The following NAALADL2 variants were observed in gnomAD, a reference collection of about 807,000 sequenced individuals.
NAALADL2 encodes inactive N-acetylated-alpha-linked acidic dipeptidase-like protein 2.
Under a neutral mutation model 87.2 loss-of-function variants are expected in NAALADL2, and 76 were observed. That is an observed-to-expected ratio of 0.87 (90% CI 0.72 to 1.05). The LOEUF is 1.05. Ranked by LOEUF, NAALADL2 falls within the 50% of genes least tolerant of loss-of-function variation. The pLI, the probability that NAALADL2 is intolerant of heterozygous loss-of-function variation, is 0.00. For synonymous variants in NAALADL2, 354 were observed against 331.0 expected (o/e 1.07, Z -0.75); for missense variants, 1,089 against 945.8 (o/e 1.15, Z -1.99).
At chr3:174,958,035 C>T (rs549171856) in intron 1 of NAALADL2, among the ~76,000 whole-genome samples, 12 of 152,004 alleles carry the variant, frequency 7.9e-5, no homozygotes, top group Non-Finnish European at 1.3e-4. Context: ...TCCTATGCAT[C>T]GCCTCTTCCA....
At chr3:174,811,589 T>C (rs1720217788) in intron 3 of NAALADL2, among the ~76,000 whole-genome samples, 1 of 152,170 alleles carries the variant, frequency 6.6e-6, no homozygotes, top group African/African-American at 2.4e-5. Flanking sequence ...TAGGAGTAAC[T>C]AAATTGTTTT....
At chr3:174,755,216 C>T (rs1174069742) in intron 3 of NAALADL2, among the ~76,000 whole-genome samples, 4 of 152,156 alleles carry the variant, frequency 2.6e-5, no homozygotes, top group African/African-American at 4.8e-5. Context: ...AAGTGCCTGG[C>T]TTCCCCTTCA....
rs187864613 is a variant in NAALADL2, at chr3:174,891,267, C to T, written c.43+31817C>T. Among the ~76,000 whole-genome samples the T allele has an allele frequency of 1.4e-4, 22 of 152,052 alleles. No homozygotes were observed. The East Asian group carries it at 3.3e-3, about 23-fold the overall frequency. On this transcript the variant is annotated intron_variant, in intron 1 of 13. Coordinates refer to ENST00000454872, the MANE Select transcript of NAALADL2 (RefSeq NM_207015.3). ...CTCTAAGGTGGCAAAACAGAAAGCT[C>T]CACCAATCATCATCCCTTACCCACA...
chr3:175,482,945 C>T (rs977590242), intron 9 of NAALADL2, among the ~76,000 whole-genome samples: 3 of 152,002 alleles, frequency 2.0e-5, no homozygotes, highest in East Asian at 1.9e-4. Context: ...ATTCCAACAA[C>T]GTCTTTTGGA....
intron 2 of NAALADL2, among the ~76,000 whole-genome samples, chr3:174,595,979 T>C (rs543339849): frequency 1.3e-5 from 2 of 152,114 alleles, no homozygotes; most frequent in East Asian, 1.9e-4. Flanking sequence ...GCCATTGCAC[T>C]CCAGCCTGGG....
At chr3:174,962,607 G>T (rs1427280324) in intron 1 of NAALADL2, among the ~76,000 whole-genome samples, 1 of 151,712 alleles carries the variant, frequency 6.6e-6, no homozygotes, top group East Asian at 1.9e-4. Context: ...GGATGCATTA[G>T]CTGAGAAGAA....
intron 2 of NAALADL2, among the ~76,000 whole-genome samples, chr3:175,155,607 T>C (rs1164968580): frequency 1.3e-5 from 2 of 152,150 alleles, no homozygotes; most frequent in African/African-American, 4.8e-5. Context: ...TCTATTTGCT[T>C]TATGCTATGT....
intron 1 of NAALADL2, among the ~76,000 whole-genome samples, chr3:174,991,248 T>C (rs922371781): frequency 6.6e-6 from 1 of 152,110 alleles, no homozygotes; most frequent in Non-Finnish European, 1.5e-5. Flanking sequence ...TGTAGAACAG[T>C]AAATACAAGA....
At chr3:174,804,736 T>G (rs1242702283) in intron 3 of NAALADL2, among the ~76,000 whole-genome samples, 1 of 152,186 alleles carries the variant, frequency 6.6e-6, no homozygotes, top group Non-Finnish European at 1.5e-5. Flanking sequence ...ACATTTTGAA[T>G]AAATCTAAAA....
At chr3:175,280,978 C>T (rs1219460882) in intron 4 of NAALADL2, among the ~76,000 whole-genome samples, 1 of 151,898 alleles carries the variant, frequency 6.6e-6, no homozygotes, top group Non-Finnish European at 1.5e-5. Context: ...TGGGCCCACA[C>T]CAACCCTCTT....
chr3:175,647,848 C>T (rs1432713355), intron 11 of NAALADL2, among the ~76,000 whole-genome samples: 2 of 152,140 alleles, frequency 1.3e-5, no homozygotes, highest in Non-Finnish European at 2.9e-5. Flanking sequence ...AGTCTCTAGC[C>T]AGCCACTCTC....
intron 11 of NAALADL2, among the ~76,000 whole-genome samples, chr3:175,670,050 C>T (rs548725030): frequency 3.3e-5 from 5 of 151,956 alleles, no homozygotes; most frequent in Non-Finnish European, 7.4e-5. Context: ...GAACTATTCA[C>T]TTTACATCAA....
intron 10 of NAALADL2, among the ~76,000 whole-genome samples, chr3:175,576,945 T>A (rs1718994435): frequency 6.6e-6 from 1 of 152,224 alleles, no homozygotes; most frequent in Non-Finnish European, 1.5e-5. Context: ...CAAATATAAA[T>A]GTTCCTCAGA....
chr3:174,477,731 C>T (rs1447953664), intron 1 of NAALADL2, among the ~76,000 whole-genome samples: 1 of 152,142 alleles, frequency 6.6e-6, no homozygotes, highest in African/African-American at 2.4e-5. Context: ...AAAAATTACC[C>T]ACACATAGAT....
intron 1 of NAALADL2, among the ~76,000 whole-genome samples, chr3:174,496,183 C>G (rs2108359519): frequency 6.6e-6 from 1 of 152,250 alleles, no homozygotes; most frequent in East Asian, 1.9e-4. Flanking sequence ...TTTCCCAGCT[C>G]AGTCTGTGCA....
chr3:175,514,024 C>G (rs142336967), intron 9 of NAALADL2, among the ~76,000 whole-genome samples: 24 of 152,304 alleles, frequency 1.6e-4, no homozygotes, highest in African/African-American at 5.8e-4. Flanking sequence ...AGCTTGCTTT[C>G]TCTTCCAAAC....
chr3:175,294,984 A>T (rs1018234827), intron 4 of NAALADL2, among the ~76,000 whole-genome samples: 1 of 152,142 alleles, frequency 6.6e-6, no homozygotes, highest in Admixed American at 6.6e-5. Context: ...TAGTTCCTCT[A>T]TGCTTCTGTT....
intron 1 of NAALADL2, among the ~76,000 whole-genome samples, chr3:174,961,862 A>G (rs1007943119): frequency 6.6e-6 from 1 of 152,042 alleles, no homozygotes; most frequent in African/African-American, 2.4e-5. Flanking sequence ...ATATTAACTC[A>G]TCTCATTCTC....
chr3:175,580,660 A>G (rs1023099622), intron 10 of NAALADL2, among the ~76,000 whole-genome samples: 3 of 152,186 alleles, frequency 2.0e-5, no homozygotes, highest in African/African-American at 7.2e-5. Flanking sequence ...ATGAAATTTT[A>G]CCTTTTCTAC....
Sources: allele counts gnomAD v4.1 joint callset (sites outside exome capture counted in the v4.1 genomes callset), GRCh38; gene constraint gnomAD v4.1.1; transcripts MANE v1.5; gene names NCBI Gene and HGNC (gene_info 2026-07-23, HGNC 2026-07-21).